NOL4: variants seen among roughly 807,000 people sequenced by gnomAD.
NOL4 encodes cancer/testis antigen 125.
In NOL4, 17 loss-of-function variants were observed where a neutral mutation model predicts 75.9. The ratio of observed to expected loss-of-function variants is 0.22; its 90% confidence interval spans 0.15 to 0.34. NOL4 has a LOEUF of 0.34. NOL4 is among the 10% of genes least tolerant of loss of function. The probability of loss-of-function intolerance (pLI) is 1.00; values close to 1 mark genes in which losing one functional copy is unlikely to be tolerated. For synonymous variants in NOL4, 292 were observed against 289.9 expected, an observed-to-expected ratio of 1.01 and a Z score of -0.07; for missense variants, 614 against 793.5, an observed-to-expected ratio of 0.77 and a Z score of 2.72.
chr18:34,150,929 A>G lies in NOL4; in HGVS notation c.265-20909T>C, dbSNP rs574781050. 6.6e-5 allele frequency among the ~76,000 whole-genome samples: 10 copies of G among 151,902 alleles called. No homozygotes were observed. The South Asian group carries it at 2.1e-3, about 31-fold the overall frequency. On this transcript the variant is annotated intron_variant, in intron 1 of 10. Coordinates refer to ENST00000261592, the MANE Select transcript of NOL4 (RefSeq NM_003787.5). ...GGAAAACAAACAAACTGATTTTAAA[A>G]TGTACAAAAGATCTGAACAGACACC...
In NOL4 at chr18:33,878,029, G is replaced by A. The variant is rs2064035300; in HGVS notation, c.1723+5215C>T. ...AGTAGACCTTGAAGCTGGAAGAGCT[G>A]GCTCACATCCTTTCCCTAAGAACAA... On this transcript the variant is annotated intron_variant, in intron 10 of 10. Coordinates refer to ENST00000261592, the MANE Select transcript of NOL4 (RefSeq NM_003787.5). Among the ~76,000 whole-genome samples the A allele has an allele frequency of 2.0e-5, 3 of 151,972 alleles. No homozygotes were observed. In the South Asian group the frequency reaches 6.2e-4, roughly 31 times the overall value.
intron 1 of NOL4, among the ~76,000 whole-genome samples, chr18:34,176,623 C>T (rs1013680577): frequency 1.4e-4 from 21 of 151,978 alleles, no homozygotes; most frequent in African/African-American, 4.6e-4. Context: ...AATGGGCTCT[C>T]ATAATAGGAC....
chr18:33,918,946 A>G (rs960517407), intron 9 of NOL4, among the ~76,000 whole-genome samples: 1 of 152,152 alleles, frequency 6.6e-6, no homozygotes, highest in Non-Finnish European at 1.5e-5. Context: ...TAGGTTAATA[A>G]TATAGATAGA....
intron 1 of NOL4, among the ~76,000 whole-genome samples, chr18:34,160,360 G>T (rs919542195): frequency 4.4e-4 from 67 of 152,030 alleles, no homozygotes; most frequent in African/African-American, 1.6e-3. Flanking sequence ...AGATTTTATT[G>T]TGATATTTCA....
chr18:34,033,504 A>G (rs1471408501), intron 5 of NOL4, among the ~76,000 whole-genome samples: 1 of 152,126 alleles, frequency 6.6e-6, no homozygotes, highest in Non-Finnish European at 1.5e-5. Flanking sequence ...GTCAGAAAAA[A>G]ATAAAGAGAA....
intron 6 of NOL4, among the ~76,000 whole-genome samples, chr18:33,964,697 G>T (rs930035925): frequency 1.6e-4 from 24 of 152,094 alleles, no homozygotes; most frequent in African/African-American, 5.8e-4. Context: ...TGTAGGCCCA[G>T]CAATCTGTGT....
chr18:33,921,160 G>C (rs2067014247), intron 9 of NOL4, among the ~76,000 whole-genome samples: 1 of 152,126 alleles, frequency 6.6e-6, no homozygotes, highest in Non-Finnish European at 1.5e-5. Flanking sequence ...GGTTTCACAG[G>C]TCTATAGATG....
At chr18:33,900,231 G>T (rs1396495497) in intron 9 of NOL4, among the ~76,000 whole-genome samples, 1 of 152,052 alleles carries the variant, frequency 6.6e-6, no homozygotes, top group Non-Finnish European at 1.5e-5. Context: ...GACAGGAGGA[G>T]GTACAAGGCT....
intron 5 of NOL4, among the ~76,000 whole-genome samples, chr18:34,048,890 TTAAA>T (rs941917695): frequency 1.3e-5 from 2 of 152,102 alleles, no homozygotes; most frequent in African/African-American, 4.8e-5. Context: ...ATTTTCCAGT[TTAAA>T]TACTCTGTGT....
At chr18:34,219,672 CT>C (rs1226484309) in intron 1 of NOL4, among the ~76,000 whole-genome samples, 1 of 152,252 alleles carries the variant, frequency 6.6e-6, no homozygotes, top group Non-Finnish European at 1.5e-5. Context: ...GTTTTCGGAA[CT>C]GTTTTAAGTC....
At chr18:34,019,246 C>T in intron 6 of NOL4, 72 bp downstream of exon 6, 1 of 1,229,278 alleles carries the variant, frequency 8.1e-7, no homozygotes, top group East Asian at 2.3e-5. Context: ...TGTTTATCTG[C>T]TATATGCATA....
intron 6 of NOL4, among the ~76,000 whole-genome samples, chr18:34,009,577 GAATT>G (rs1390534382): frequency 5.9e-5 from 9 of 151,884 alleles, no homozygotes; most frequent in African/African-American, 2.2e-4. Context: ...TATAGGTTAA[GAATT>G]ATTATCATCA....
At position 34,224,797 on chromosome 18, in the gene NOL4, G is replaced by T. The variant is rs551818973; in HGVS notation, c.-1544C>A. On this transcript the variant is annotated 5_prime_UTR_variant, in exon 1 of 11. Coordinates refer to ENST00000261592, the MANE Select transcript of NOL4 (RefSeq NM_003787.5). ...TGTGTGCGTGTGTGTGAGCAAGGGA[G>T]CGAGGGTGTGCGGTGTGCAGGGGGT... 1 of 154,716 alleles carries T rather than the reference G, an allele frequency of 6.5e-6. No individual in the cohort carries two copies. Among genetic ancestry groups the T allele is most frequent in the Non-Finnish European group, 1.4e-5 (1 of 69,622 alleles). 9.6% of individuals were successfully genotyped at this position (154,716 alleles called of 1,614,324 possible). A position where few individuals can be genotyped will look rare whatever the true frequency, so the allele number is the denominator to read the frequency against.
At chr18:33,995,001 C>G (rs1384585085) in intron 6 of NOL4, among the ~76,000 whole-genome samples, 2 of 151,392 alleles carry the variant, frequency 1.3e-5, no homozygotes, top group Non-Finnish European at 3.0e-5. Flanking sequence ...CAATTAAATG[C>G]CAATAAATTA....
chr18:33,984,540 C>T (rs529130363), intron 6 of NOL4, among the ~76,000 whole-genome samples: 1 of 152,092 alleles, frequency 6.6e-6, no homozygotes, highest in South Asian at 2.1e-4. Context: ...GCTATCATCA[C>T]CATAGTGAGT....
intron 9 of NOL4, among the ~76,000 whole-genome samples, chr18:33,932,167 T>C (rs932841542): frequency 6.6e-6 from 1 of 152,068 alleles, no homozygotes; most frequent in Non-Finnish European, 1.5e-5. Context: ...TATTATTTTA[T>C]TACATATTAC....
intron 6 of NOL4, among the ~76,000 whole-genome samples, chr18:34,010,815 C>A (rs980436892): frequency 2.0e-5 from 3 of 151,842 alleles, no homozygotes; most frequent in Non-Finnish European, 2.9e-5. Context: ...TGAGGTTGAG[C>A]ATTTTTTCAT....
intron 1 of NOL4, among the ~76,000 whole-genome samples, chr18:34,184,326 CAT>C (rs2034290417): frequency 6.6e-6 from 1 of 151,738 alleles, no homozygotes; most frequent in African/African-American, 2.4e-5. Context: ...TATATAATAA[CAT>C]GATACAATTA....
chr18:34,013,791 C>T (rs1165127638), intron 6 of NOL4, among the ~76,000 whole-genome samples: 2 of 151,888 alleles, frequency 1.3e-5, no homozygotes, highest in Non-Finnish European at 2.9e-5. Flanking sequence ...AATGTGAATT[C>T]TTAATGATAG....
Sources: gnomAD v4.1 joint callset for allele counts (sites outside exome capture counted in the v4.1 genomes callset) on GRCh38, gnomAD v4.1.1 for gene constraint, MANE v1.5 for transcripts, NCBI Gene and HGNC (gene_info 2026-07-23, HGNC 2026-07-21) for gene names.